Variants in ZNF423 observed in about 807,000 individuals in gnomAD.
ZNF423 encodes the protein Ebf-associated zinc finger protein.
ZNF423 carries 12 observed loss-of-function variants against 95.8 expected under a neutral mutation model. The observed-to-expected ratio is 0.13, with a 90% confidence interval of 0.08 to 0.20. ZNF423 has a LOEUF of 0.20. Among genes scored for constraint, ZNF423 ranks in the 10% least tolerant of loss-of-function variants. The pLI, the probability that ZNF423 is intolerant of heterozygous loss-of-function variation, is 1.00. For synonymous variants in ZNF423, 749 were observed against 711.9 expected (o/e 1.05, Z -0.83); for missense variants, 1,316 against 1,737.1 (o/e 0.76, Z 4.31).
At chr16:49,752,517 A>G (rs759954087) in intron 2 of ZNF423, among the ~76,000 whole-genome samples, 2 of 152,012 alleles carry the variant, frequency 1.3e-5, no homozygotes, top group Admixed American at 6.5e-5. Context: ...TCCTTTTCAA[A>G]GGGGAGCCCA....
At chr16:49,705,734 G>T (rs1466720170) in intron 3 of ZNF423, among the ~76,000 whole-genome samples, 2 of 152,136 alleles carry the variant, frequency 1.3e-5, no homozygotes, top group Non-Finnish European at 2.9e-5. Flanking sequence ...TTTTAGTAGA[G>T]ATGGGGTTTC....
At chr16:49,681,094 C>A (rs533198877) in intron 3 of ZNF423, among the ~76,000 whole-genome samples, 2 of 152,198 alleles carry the variant, frequency 1.3e-5, no homozygotes, top group Non-Finnish European at 2.9e-5. Context: ...GACCAACAGG[C>A]TCGCCCAAAC....
intron 1 of ZNF423, among the ~76,000 whole-genome samples, chr16:49,808,082 G>C (rs533791994): frequency 6.6e-6 from 1 of 151,484 alleles, no homozygotes; most frequent in African/African-American, 2.4e-5. Flanking sequence ...CTTTTATAGG[G>C]ACAAAATCTT....
intron 4 of ZNF423, among the ~76,000 whole-genome samples, chr16:49,629,914 G>A (rs779430323): frequency 1.4e-4 from 22 of 152,170 alleles, no homozygotes; most frequent in Non-Finnish European, 2.1e-4. Flanking sequence ...TATTATTGGC[G>A]CTAAGAAAAT....
chr16:49,605,038 A>G (rs1274438417), intron 5 of ZNF423, among the ~76,000 whole-genome samples: 1 of 152,208 alleles, frequency 6.6e-6, no homozygotes, highest in East Asian at 1.9e-4. Flanking sequence ...TTCCATGCCC[A>G]TAACAGCCCA....
intron 5 of ZNF423, among the ~76,000 whole-genome samples, chr16:49,543,342 C>T (rs1969319553): frequency 6.6e-6 from 1 of 152,116 alleles, no homozygotes; most frequent in African/African-American, 2.4e-5. Flanking sequence ...CCAATCCCCA[C>T]AGCCTCCCCA....
chr16:49,694,216 G>T (rs904160572), intron 3 of ZNF423, among the ~76,000 whole-genome samples: 9 of 152,148 alleles, frequency 5.9e-5, no homozygotes, highest in African/African-American at 2.2e-4. Flanking sequence ...GGAGAGGGAG[G>T]GAGACTGAAT....
chr16:49,613,004 A>G (rs925785442), intron 5 of ZNF423, among the ~76,000 whole-genome samples: 1 of 152,086 alleles, frequency 6.6e-6, no homozygotes, highest in Admixed American at 6.5e-5. Context: ...TAAAAAAAAA[A>G]AAAAAGATGA....
chr16:49,539,929 T>A (rs768492144), intron 5 of ZNF423, among the ~76,000 whole-genome samples: 6 of 152,190 alleles, frequency 3.9e-5, no homozygotes, highest in African/African-American at 9.6e-5. Context: ...GCCAGAGCTG[T>A]CTGTCCTGCC....
chr16:49,664,110 G>C, intron 3 of ZNF423: 1 of 985,484 alleles, frequency 1.0e-6, no homozygotes, highest in South Asian at 4.7e-5. Context: ...TGCTCACCAG[G>C]GCGTCCCAGG....
intron 3 of ZNF423, among the ~76,000 whole-genome samples, chr16:49,721,315 G>C (rs1172268563): frequency 1.3e-5 from 2 of 152,142 alleles, no homozygotes; most frequent in East Asian, 1.9e-4. Context: ...TCCCTTAACG[G>C]GAATGAATGA....
chr16:49,700,758 C>T (rs1038398201), intron 3 of ZNF423, among the ~76,000 whole-genome samples: 4 of 152,186 alleles, frequency 2.6e-5, no homozygotes, highest in Admixed American at 2.6e-4. Flanking sequence ...TGGGCAAACC[C>T]CCCTCCTTGG....
chr16:49,849,572 G>A (rs2035280036), intron 1 of ZNF423, among the ~76,000 whole-genome samples: 1 of 152,150 alleles, frequency 6.6e-6, no homozygotes, highest in African/African-American at 2.4e-5. Context: ...AGATAATGAT[G>A]TGGTTGCCTT....
At chr16:49,538,046 TC>T (rs1306440935) in intron 5 of ZNF423, among the ~76,000 whole-genome samples, 3 of 152,132 alleles carry the variant, frequency 2.0e-5, no homozygotes, top group Non-Finnish European at 4.4e-5. Context: ...CAGCCTAAGG[TC>T]TGGGCTGATC....
intron 3 of ZNF423, among the ~76,000 whole-genome samples, chr16:49,643,316 G>C (rs532146351): frequency 6.6e-6 from 1 of 152,126 alleles, no homozygotes; most frequent in African/African-American, 2.4e-5. Flanking sequence ...TACTTGCATC[G>C]ATTTTGCTGT....
At chr16:49,708,217 A>G (rs1229609123) in intron 3 of ZNF423, 2 of 151,864 alleles carry the variant, frequency 1.3e-5, no homozygotes, top group African/African-American at 4.8e-5. Context: ...CCAAAGATCA[A>G]CCTCTTGGTG....
At chr16:49,749,323 CG>C (rs1775434721) in intron 2 of ZNF423, among the ~76,000 whole-genome samples, 1 of 152,196 alleles carries the variant, frequency 6.6e-6, no homozygotes, top group South Asian at 2.1e-4. Context: ...GGATGCAGGG[CG>C]TGCATTCGGC....
Position 49,488,412 on chromosome 16 carries a change from T to G in ZNF423, c.*2863A>C, listed in dbSNP as rs556499781. Reference sequence around the variant, plus strand: ...CATTTCCCAGCCTGGGCAAAATTCCTCTGCCCAGAGAGCCGCTAGAAACTG... The same window carrying G: ...CATTTCCCAGCCTGGGCAAAATTCCGCTGCCCAGAGAGCCGCTAGAAACTG... On this transcript the variant is annotated 3_prime_UTR_variant, in exon 8 of 8. Transcript: ENST00000563137. 1.3e-5 allele frequency: 2 copies of G among 152,182 alleles called. No homozygotes were observed. Among genetic ancestry groups the G allele is most frequent in the Non-Finnish European group, 2.9e-5 (2 of 68,040 alleles). The allele number at this position is 152,182 out of a possible 1,614,324, so 9.4% of individuals were successfully genotyped here.
chr16:49,546,414 C>T (rs1225311896), intron 5 of ZNF423, among the ~76,000 whole-genome samples: 1 of 152,132 alleles, frequency 6.6e-6, no homozygotes, highest in East Asian at 1.9e-4. Flanking sequence ...TTTCTGAGCT[C>T]AGAGACCTCA....
Sources: allele counts gnomAD v4.1 joint callset (sites outside exome capture counted in the v4.1 genomes callset), GRCh38; gene constraint gnomAD v4.1.1; transcripts MANE v1.5; gene names NCBI Gene and HGNC (gene_info 2026-07-23, HGNC 2026-07-21).